Variants in SSH1 observed in about 807,000 individuals in gnomAD.
The protein encoded by SSH1 is slingshot protein phosphatase 1, also known as protein phosphatase Slingshot homolog 1.
In SSH1, 43 loss-of-function variants were observed where a neutral mutation model predicts 79.7. The observed-to-expected ratio is 0.54, with a 90% CI of 0.42 to 0.70. SSH1 has a LOEUF of 0.70. Among genes scored for constraint, SSH1 ranks in the 30% least tolerant of loss-of-function variants. The pLI is 0.00. For missense variants in SSH1, 1,206 were observed against 1,358.8 expected, an observed-to-expected ratio of 0.89 and a Z score of 1.77; for synonymous variants, 599 against 538.3, an observed-to-expected ratio of 1.11 and a Z score of -1.56.
intron 13 of SSH1, among the ~76,000 whole-genome samples, chr12:108,794,961 A>G (rs2036682363): frequency 6.6e-6 from 1 of 152,110 alleles, no homozygotes; most frequent in South Asian, 2.1e-4. Context: ...TCTATTGTCT[A>G]TGTTATGCAA....
At chr12:108,801,036 G>T in intron 11 of SSH1, 110 bp from the exon 12 acceptor site, 1 of 1,127,440 alleles carries the variant, frequency 8.9e-7, no homozygotes, top group Non-Finnish European at 1.3e-6. Context: ...TTAACCAAGG[G>T]TCATATGTTC....
rs1275388583 is a variant in SSH1 at position 108,788,178 on chromosome 12, A to G, written c.2960T>C (p.Phe987Ser). The change falls in exon 15 of 15, where the codon TTC becomes TCC. Residue 987 changes from phenylalanine to serine, a missense_variant. Around this residue, in one of 5 missense-constraint regions of SSH1, gnomAD observed 709 missense variants for 730.6 expected, o/e 0.97. Transcript: ENST00000326495. Reference protein sequence around the residue: ...HSLAKLGSLTFSTEDLSSEAD... With the variant: ...HSLAKLGSLTSSTEDLSSEAD... ...CTCACTGGACAGGTCTTCCGTTGAGAAGGTGAGACTCCCCAGCTTGGCAAG... is the reference window on the plus strand; with the variant it reads ...CTCACTGGACAGGTCTTCCGTTGAGGAGGTGAGACTCCCCAGCTTGGCAAG... The G allele has an allele frequency of 1.2e-6, 2 of 1,613,772 alleles. No homozygotes were observed. Among genetic ancestry groups the G allele is most frequent in the African/African-American group, 1.3e-5 (1 of 74,820 alleles).
chr12:108,853,143 G>A (rs2039078415), intron 1 of SSH1: 1 of 985,434 alleles, frequency 1.0e-6, no homozygotes, highest in Non-Finnish European at 1.2e-6. Context: ...GACTTGCACA[G>A]TGGAAGGTGG....
rs972607009 is a variant in SSH1, at chr12:108,799,236, G to A, written c.1149-36C>T. On this transcript the variant is annotated intron_variant, in intron 12 of 14. Transcript: ENST00000326495. ...GGGAGCAGTTGGGGAGGAGAGATGG[G>A]GGAGAAGCAGTGGGGAAGGAGTTAA... 5 of 1,565,278 alleles carry A rather than the reference G, an allele frequency of 3.2e-6. No individual in the cohort carries two copies. In the African/African-American group the frequency reaches 4.1e-5, roughly 13 times the overall value.
intron 5 of SSH1, among the ~76,000 whole-genome samples, chr12:108,812,118 C>T (rs1371006855): frequency 6.6e-6 from 1 of 152,162 alleles, no homozygotes; most frequent in East Asian, 1.9e-4. Flanking sequence ...TCTTCTCAAC[C>T]CCATGCTTCT....
chr12:108,810,479 A>G (rs2037524992), intron 6 of SSH1, among the ~76,000 whole-genome samples: 1 of 152,030 alleles, frequency 6.6e-6, no homozygotes, highest in Admixed American at 6.5e-5. Context: ...CCGAGATCGT[A>G]CCACTGCACT....
intron 6 of SSH1, among the ~76,000 whole-genome samples, chr12:108,810,403 T>C (rs1286428468): frequency 1.3e-5 from 2 of 151,818 alleles, no homozygotes; most frequent in Non-Finnish European, 1.5e-5. Flanking sequence ...GTGCCTGTAA[T>C]CCCAGCTATT....
chr12:108,857,315 G>T lies in SSH1; in HGVS notation c.69+113C>A. 1 of 523,972 alleles carries T rather than the reference G, an allele frequency of 1.9e-6. No individual in the cohort carries two copies. Among genetic ancestry groups the T allele is most frequent in the Non-Finnish European group, 2.4e-6 (1 of 408,520 alleles). 32.5% of individuals were successfully genotyped at this position (523,972 alleles called of 1,614,324 possible). A position where few individuals can be genotyped will look rare whatever the true frequency, so the allele number is the denominator to read the frequency against. ...TGCCCGGCTCTGTTCCTACGGCGGG[G>T]CCCCGAGGAGCCCGCGCAGCCGCCC... On this transcript the variant is annotated intron_variant, in intron 1 of 14. Coordinates refer to ENST00000326495, the MANE Select transcript of SSH1 (RefSeq NM_018984.4). The surrounding 1 kb of genome is among the most constrained non-coding windows in gnomAD (Gnocchi z 4.7).
rs754285019 is a variant in SSH1 at position 108,792,563 on chromosome 12, G to A, written c.1616C>T (p.Ala539Val). 46 of 1,613,880 alleles carry A rather than the reference G, an allele frequency of 2.9e-5. No homozygotes were observed. In the South Asian group the frequency reaches 4.7e-4, roughly 17 times the overall value. ...LVHLEDPERE[A>V]LLEEAAPPAE... is the part of the protein sequence containing the mutation. ...AGGTGGAGCAGCTTCCTCCAACAGA[G>A]CCTCCCTCTCCGGATCCTCCAGGTG... Residue 539 changes from alanine (A) to valine (V), a missense_variant, in exon 14 of 15, where the codon GCT becomes GTT. By Grantham distance (64) the Ala-to-Val change is moderately conservative. This residue lies in a region of SSH1 where 709 missense variants were observed against 730.6 expected (regional missense o/e 0.97). Transcript: ENST00000326495.
chr12:108,832,677 T>C (rs150064537), intron 2 of SSH1, among the ~76,000 whole-genome samples: 4 of 152,292 alleles, frequency 2.6e-5, no homozygotes, highest in African/African-American at 9.6e-5. Flanking sequence ...CTCCCACAGG[T>C]TCTTCCCTCA....
At chr12:108,855,106 A>T (rs1440732055) in intron 1 of SSH1, among the ~76,000 whole-genome samples, 1 of 152,212 alleles carries the variant, frequency 6.6e-6, no homozygotes, top group African/African-American at 2.4e-5. Context: ...CACAACACAA[A>T]TGTCCAACAA....
Position 108,807,663 on chromosome 12 carries a change from C to G in SSH1, c.701G>C (p.Arg234Pro). Residue 234 changes from arginine to proline, a missense_variant, in exon 8 of 15, where the codon CGG becomes CCG. By Grantham distance (103) the Arg-to-Pro change is moderately radical. Coordinates refer to ENST00000326495, the MANE Select transcript of SSH1 (RefSeq NM_018984.4). This position sits in a 1 kb window ranked among gnomAD's most constrained non-coding sequence, Gnocchi z 5.2. ...WNAMQDLESTRPDSPALFVDK... is the reference protein window; with the variant it reads ...WNAMQDLESTPPDSPALFVDK... ...CACAAATAGCGCGGGGGAGTCGGGCCGCGTAGACTCCAGGTCCTGCATGGC... is the reference window on the plus strand; with the variant it reads ...CACAAATAGCGCGGGGGAGTCGGGCGGCGTAGACTCCAGGTCCTGCATGGC... 1.2e-6 allele frequency: 2 copies of G among 1,612,882 alleles called. No individual in the cohort carries two copies. Among genetic ancestry groups the G allele is most frequent in the Non-Finnish European group, 1.7e-6 (2 of 1,179,368 alleles).
chr12:108,811,388 T>C lies in SSH1; in HGVS notation c.402-60A>G, dbSNP rs532107728. 220 of 1,522,948 alleles carry C rather than the reference T, an allele frequency of 1.4e-4. No individual in the cohort carries two copies. In the East Asian group the frequency reaches 4.8e-3, roughly 33 times the overall value. The allele number at this position is 1,522,948 out of a possible 1,614,324, so 94.3% of individuals were successfully genotyped here. A position where few individuals can be genotyped will look rare whatever the true frequency, so the allele number is the denominator to read the frequency against. On this transcript the variant is annotated intron_variant, in intron 5 of 14. Coordinates refer to ENST00000326495, the MANE Select transcript of SSH1 (RefSeq NM_018984.4). ...GTCTACCCACCTACGTGTACAGCCT[T>C]TCCAGCTCACCACCTGGTCCAGGAC...
At position 108,789,160 on chromosome 12, in the gene SSH1, C is replaced by A; in HGVS notation, c.1978G>T (p.Ala660Ser). The change falls in exon 15 of 15, where the codon GCT (alanine) becomes TCT (serine). Residue 660 changes from alanine (A) to serine (S), a missense_variant. Ala to Ser is a moderately conservative substitution (Grantham distance 99). Coordinates refer to ENST00000326495, the MANE Select transcript of SSH1 (RefSeq NM_018984.4). ...ADCMYPTASGAPEASRERCED... is the reference protein window; with the variant it reads ...ADCMYPTASGSPEASRERCED... The stretch of plus-strand genomic sequence containing the variant: ...CATCGCTCCCTGGAGGCCTCAGGAG[C>A]CCCGCTGGCTGTAGGGTACATGCAG... 1 of 1,612,610 alleles carries A rather than the reference C, an allele frequency of 6.2e-7. No homozygotes were observed. Among genetic ancestry groups the A allele is most frequent in the Non-Finnish European group, 8.5e-7 (1 of 1,179,250 alleles).
intron 8 of SSH1, among the ~76,000 whole-genome samples, chr12:108,806,816 G>C (rs544360338): frequency 5.9e-5 from 9 of 152,234 alleles, no homozygotes; most frequent in African/African-American, 1.9e-4. Flanking sequence ...TCAAAATCTG[G>C]GTATTTCCCT....
intron 2 of SSH1, among the ~76,000 whole-genome samples, chr12:108,847,429 G>A (rs2038922467): frequency 6.6e-6 from 1 of 152,178 alleles, no homozygotes; most frequent in African/African-American, 2.4e-5. Flanking sequence ...ATTTACTGCA[G>A]GGTCAAAGGT....
Position 108,800,215 on chromosome 12 carries a change from A to G in SSH1, c.1148+565T>C, listed in dbSNP as rs75967956. 4.5e-3 allele frequency among the ~76,000 whole-genome samples: 692 copies of G among 152,298 alleles called. 9 individuals are homozygous for G. The highest frequency in any genetic ancestry group is 0.016 in the African/African-American group (656 of 41,556). Reference sequence around the variant, plus strand: ...TAAGGCAGAGCTGTTTCGCAGGGGAATAAAATGAGCACCAGAGACAGGTGA... The same window carrying G: ...TAAGGCAGAGCTGTTTCGCAGGGGAGTAAAATGAGCACCAGAGACAGGTGA... On this transcript the variant is annotated intron_variant, in intron 12 of 14. Coordinates refer to ENST00000326495, the MANE Select transcript of SSH1 (RefSeq NM_018984.4).
At position 108,798,986 on chromosome 12, in the gene SSH1, A is replaced by G; in HGVS notation, c.1349+14T>C. 6 of 1,611,182 alleles carry G rather than the reference A, an allele frequency of 3.7e-6. No homozygotes were observed. Among genetic ancestry groups the G allele is most frequent in the Non-Finnish European group, 5.1e-6 (6 of 1,179,910 alleles). ...GCTCCGCCTGCCAACCCTTCTCTCC[A>G]GGCAGGCACCCACCTTGCATCCAAG... On this transcript the variant is annotated intron_variant, in intron 13 of 14. Coordinates refer to ENST00000326495, the MANE Select transcript of SSH1 (RefSeq NM_018984.4).
At chr12:108,846,240 A>T (rs1408310849) in intron 2 of SSH1, among the ~76,000 whole-genome samples, 1 of 152,150 alleles carries the variant, frequency 6.6e-6, no homozygotes, top group Non-Finnish European at 1.5e-5. Flanking sequence ...ATCACAAATG[A>T]GCAAATTATA....
Sources: allele counts gnomAD v4.1 joint callset (sites outside exome capture counted in the v4.1 genomes callset), GRCh38; gene constraint gnomAD v4.1.1; regional missense constraint gnomAD v4.1.1; non-coding constraint Gnocchi (gnomAD v3.1); transcripts MANE v1.5; gene names NCBI Gene and HGNC (gene_info 2026-07-23, HGNC 2026-07-21).